The following CERS6 variants were observed in gnomAD, a reference collection of about 807,000 sequenced individuals.
CERS6 encodes the protein ceramide synthase 6.
Under a neutral mutation model 56.8 loss-of-function variants are expected in CERS6, and 26 were observed. That is an observed-to-expected ratio of 0.46 (90% CI 0.34 to 0.63). The LOEUF (loss-of-function observed/expected upper bound fraction) is 0.63. CERS6 is among the 30% of genes least tolerant of loss of function. The probability of loss-of-function intolerance (pLI) is 0.01; values close to 1 mark genes in which losing one functional copy is unlikely to be tolerated. For missense variants in CERS6, 415 were observed against 467.5 expected, an observed-to-expected ratio of 0.89 and a Z score of 1.04; for synonymous variants, 164 against 173.3, an observed-to-expected ratio of 0.95 and a Z score of 0.42.
intron 1 of CERS6, among the ~76,000 whole-genome samples, chr2:168,479,425 C>T (rs925619964): frequency 3.3e-5 from 5 of 151,950 alleles, no homozygotes; most frequent in African/African-American, 1.2e-4. Flanking sequence ...TTTCTTTTTT[C>T]ACATATGACA....
At chr2:168,484,484 G>GTT (rs148139443) in intron 1 of CERS6, among the ~76,000 whole-genome samples, 10 of 148,754 alleles carry the variant, frequency 6.7e-5, no homozygotes, top group Non-Finnish European at 1.2e-4. Flanking sequence ...GCTTCGCTTT[G>GTT]TTTTTTTTTT....
intron 3 of CERS6, among the ~76,000 whole-genome samples, chr2:168,587,801 G>A (rs1239279432): frequency 6.6e-6 from 1 of 151,784 alleles, no homozygotes; most frequent in Non-Finnish European, 1.5e-5. Flanking sequence ...TCATTTTAAT[G>A]TATGATTTTC....
chr2:168,707,406 C>A (rs910103774), intron 6 of CERS6, among the ~76,000 whole-genome samples: 3 of 152,186 alleles, frequency 2.0e-5, no homozygotes, highest in Non-Finnish European at 2.9e-5. Flanking sequence ...CCTGCCAGGA[C>A]TCCTCCACCT....
chr2:168,566,471 C>T (rs1452658759), intron 3 of CERS6, among the ~76,000 whole-genome samples: 1 of 152,178 alleles, frequency 6.6e-6, no homozygotes, highest in Admixed American at 6.5e-5. Context: ...CAAAGAAGCC[C>T]TGTGATTTTT....
chr2:168,576,056 G>C (rs1352140672), intron 3 of CERS6, among the ~76,000 whole-genome samples: 2 of 152,130 alleles, frequency 1.3e-5, no homozygotes, highest in African/African-American at 4.8e-5. Flanking sequence ...GGGAGGTAGA[G>C]TTAGGTAAGT....
At chr2:168,694,416 C>G (rs1686587425) in intron 5 of CERS6, among the ~76,000 whole-genome samples, 1 of 152,032 alleles carries the variant, frequency 6.6e-6, no homozygotes, top group African/African-American at 2.4e-5. Flanking sequence ...GCCTTCCTGT[C>G]CCTCTGATCT....
chr2:168,666,620 G>A (rs1274126136), intron 4 of CERS6, among the ~76,000 whole-genome samples: 6 of 152,122 alleles, frequency 3.9e-5, no homozygotes, highest in Admixed American at 6.5e-5. Context: ...TTTTCATGTG[G>A]GCGTGAGTCT....
intron 3 of CERS6, among the ~76,000 whole-genome samples, chr2:168,611,659 C>T (rs1684192251): frequency 6.6e-6 from 1 of 152,198 alleles, no homozygotes; most frequent in Admixed American, 6.5e-5. Context: ...AAATTTTACA[C>T]TTAACATTTT....
intron 3 of CERS6, among the ~76,000 whole-genome samples, chr2:168,589,348 C>A (rs1034104533): frequency 6.6e-6 from 1 of 152,082 alleles, no homozygotes; most frequent in Non-Finnish European, 1.5e-5. Flanking sequence ...GTCGTGCTAT[C>A]TCCATTTGAA....
At chr2:168,585,983 T>C (rs976955086) in intron 3 of CERS6, among the ~76,000 whole-genome samples, 1 of 152,178 alleles carries the variant, frequency 6.6e-6, no homozygotes, top group Non-Finnish European at 1.5e-5. Flanking sequence ...AATGGCAGGT[T>C]AAGATACTTT....
chr2:168,485,047 T>A (rs187625958), intron 1 of CERS6, among the ~76,000 whole-genome samples: 6 of 152,332 alleles, frequency 3.9e-5, no homozygotes, highest in Admixed American at 1.3e-4. Context: ...TTCAGCTGTT[T>A]GCCTCATAAT....
chr2:168,483,492 G>A (rs1204728448), intron 1 of CERS6, among the ~76,000 whole-genome samples: 4 of 152,218 alleles, frequency 2.6e-5, no homozygotes, highest in South Asian at 2.1e-4. Flanking sequence ...GTTTTTAACC[G>A]AGAAAACAGA....
At chr2:168,646,217 T>C (rs1410687702) in intron 4 of CERS6, among the ~76,000 whole-genome samples, 1 of 152,244 alleles carries the variant, frequency 6.6e-6, no homozygotes, top group Non-Finnish European at 1.5e-5. Context: ...TTGTTGACTT[T>C]TCAAAAACAG....
rs376444224 is a variant in CERS6, at chr2:168,751,008, C to T, written c.846-14584C>T. Among the ~76,000 whole-genome samples, 16 of 152,218 alleles carry T rather than the reference C, an allele frequency of 1.1e-4. 1 individual carries two copies. The highest frequency in any genetic ancestry group is 4.6e-4 in the Admixed American group (7 of 15,290). ...GATTACCAAATATTTAACCTGTCTC[C>T]CCCTTGCTACCTTCACTTGCTTCCA... On this transcript the variant is annotated intron_variant, in intron 8 of 9. Transcript: ENST00000305747.
intron 9 of CERS6, among the ~76,000 whole-genome samples, chr2:168,768,904 C>CAAAAAAAAAAA (rs765504573): frequency 6.7e-5 from 4 of 59,414 alleles, no homozygotes; most frequent in Non-Finnish European, 7.1e-5. Flanking sequence ...GACTCTGACT[C>CAAAAAAAAAAA]AAAAAAAAAA....
chr2:168,467,447 A>T (rs927903805), intron 1 of CERS6, among the ~76,000 whole-genome samples: 1 of 152,224 alleles, frequency 6.6e-6, no homozygotes, highest in Non-Finnish European at 1.5e-5. Context: ...GGGTGTGTGT[A>T]CATCTTTGCA....
chr2:168,667,179 G>A (rs56936906), intron 4 of CERS6, among the ~76,000 whole-genome samples: 7,181 of 152,230 alleles, frequency 0.047, 418 homozygotes, highest in African/African-American at 0.14. Context: ...GTGTTTAACA[G>A]GTGGATGTTC....
intron 4 of CERS6, among the ~76,000 whole-genome samples, chr2:168,664,297 A>G (rs958149188): frequency 2.6e-5 from 4 of 152,118 alleles, no homozygotes; most frequent in African/African-American, 9.7e-5. Context: ...CACCTTCCAC[A>G]CAGATGTGAT....
At chr2:168,660,730 G>T (rs945684279) in intron 4 of CERS6, among the ~76,000 whole-genome samples, 1 of 151,588 alleles carries the variant, frequency 6.6e-6, no homozygotes, top group African/African-American at 2.4e-5. Flanking sequence ...TTTTGCTATC[G>T]CATAGTCTTT....
Sources: allele counts gnomAD v4.1 joint callset (sites outside exome capture counted in the v4.1 genomes callset), GRCh38; gene constraint gnomAD v4.1.1; transcripts MANE v1.5; gene names NCBI Gene and HGNC (gene_info 2026-07-23, HGNC 2026-07-21).